The following HTRA1 variants were observed in gnomAD, a reference collection of about 807,000 sequenced individuals.
HTRA1 encodes the protein HtrA serine peptidase 1.
In HTRA1, 26 loss-of-function variants were observed where a neutral mutation model predicts 49.7. The ratio of observed to expected loss-of-function variants is 0.52; its 90% CI spans 0.38 to 0.73. The LOEUF (loss-of-function observed/expected upper bound fraction) is 0.73, where lower values mean the gene tolerates loss of function less well. Ranked by LOEUF, HTRA1 falls within the 30% of genes least tolerant of loss-of-function variation. The pLI, the probability that HTRA1 is intolerant of heterozygous loss-of-function variation, is 0.00. For synonymous variants in HTRA1, 291 were observed against 286.9 expected (o/e 1.01, Z -0.14); for missense variants, 561 against 667.2 (o/e 0.84, Z 1.75).
chr10:122,489,159 G>T (rs926387698), intron 2 of HTRA1, among the ~76,000 whole-genome samples, 158 bp downstream of exon 2: 1 of 151,988 alleles, frequency 6.6e-6, no homozygotes, highest in Non-Finnish European at 1.5e-5. Flanking sequence ...TTCCCTATTC[G>T]ACTATATAAA....
intron 3 of HTRA1, among the ~76,000 whole-genome samples, chr10:122,499,148 G>A (rs912623365): frequency 2.6e-5 from 4 of 152,136 alleles, no homozygotes; most frequent in African/African-American, 9.7e-5. Flanking sequence ...AAGCGGCAGT[G>A]TCCTTGGGGT....
rs950534015 is a variant in HTRA1, at chr10:122,490,155, T to G, written c.777+529T>G. Among the ~76,000 whole-genome samples the G allele has an allele frequency of 3.9e-5, 6 of 152,214 alleles. No homozygotes were observed. Among genetic ancestry groups the G allele is most frequent in the Non-Finnish European group, 8.8e-5 (6 of 68,044 alleles). ...CGTACTTTAAACATCTTGGAAAACTTGAATTAAAACAGAGCTAATGGATTT... is the reference window on the plus strand; with the variant it reads ...CGTACTTTAAACATCTTGGAAAACTGGAATTAAAACAGAGCTAATGGATTT... On this transcript the variant is annotated intron_variant, in intron 3 of 8. Transcript: ENST00000368984. This position sits in a 1 kb window ranked among gnomAD's most constrained non-coding sequence, Gnocchi z 4.2.
intron 1 of HTRA1, among the ~76,000 whole-genome samples, chr10:122,483,045 A>G (rs181729403): frequency 6.6e-6 from 1 of 152,152 alleles, no homozygotes; most frequent in East Asian, 1.9e-4. Flanking sequence ...ACTGCAACAA[A>G]TTTTGTTCAG....
intron 1 of HTRA1, among the ~76,000 whole-genome samples, chr10:122,476,804 C>A (rs989554826): frequency 6.6e-6 from 1 of 152,070 alleles, no homozygotes; most frequent in South Asian, 2.1e-4. Context: ...CGCTCTCCCC[C>A]GCCTCTCTGT....
Position 122,462,270 on chromosome 10 carries a change from G to C in HTRA1, c.472+146G>C. The C allele has an allele frequency of 6.7e-6, 5 of 747,518 alleles. No homozygotes were observed. The South Asian group carries it at 7.1e-5, about 11-fold the overall frequency. The allele number at this position is 747,518 out of a possible 1,614,324, so 46.3% of individuals were successfully genotyped here. ...TCGGGGACAGGCAGGTGGGCCCCGG[G>C]GTGGCGGATTTCCGCGGGCTGCCTC... On this transcript the variant is annotated intron_variant, in intron 1 of 8. Coordinates refer to ENST00000368984, the MANE Select transcript of HTRA1 (RefSeq NM_002775.5).
intron 1 of HTRA1, among the ~76,000 whole-genome samples, chr10:122,478,475 C>T (rs1416830604): frequency 8.8e-5 from 13 of 148,000 alleles, no homozygotes; most frequent in Admixed American, 8.3e-4. Context: ...TCACTGCAAG[C>T]TCCACCTCCT....
chr10:122,480,586 T>C (rs1323316765), intron 1 of HTRA1, among the ~76,000 whole-genome samples: 1 of 152,192 alleles, frequency 6.6e-6, no homozygotes, highest in East Asian at 1.9e-4. Flanking sequence ...CTGCTAGTTG[T>C]CTGGCCGAGG....
chr10:122,510,501 C>G (rs1433737893), intron 7 of HTRA1, among the ~76,000 whole-genome samples: 6 of 152,196 alleles, frequency 3.9e-5, no homozygotes, highest in Non-Finnish European at 8.8e-5. Flanking sequence ...CTGTTGAAAC[C>G]CACATTCCAG....
intron 6 of HTRA1, among the ~76,000 whole-genome samples, chr10:122,509,711 G>C (rs1368159194): frequency 3.3e-5 from 5 of 152,200 alleles, no homozygotes; most frequent in African/African-American, 1.2e-4. Flanking sequence ...GCTGGAAGTT[G>C]GGGACCGGTT....
rs1565427091 is a variant in HTRA1, at chr10:122,496,224, G to GTTTTTTTTTTTTTTTTT, written c.777+6598_777+6599insTTTTTTTTTTTTTTTTT. Reference sequence around the variant, plus strand: ...GCCCTTTCGTTTGCCAGAGATTGTGGGTTCTTTTTTTTTTTTTTTTTTTTT... The same window carrying GTTTTTTTTTTTTTTTTT: ...GCCCTTTCGTTTGCCAGAGATTGTGGTTTTTTTTTTTTTTTTTGTTCTTTTTTTTTTTTTTTTTTTTT... On this transcript the variant is annotated intron_variant, in intron 3 of 8. Transcript: ENST00000368984. Among the ~76,000 whole-genome samples the GTTTTTTTTTTTTTTTTT allele has an allele frequency of 4.7e-4, 15 of 32,106 alleles. 1 individual carries two copies. Among genetic ancestry groups the GTTTTTTTTTTTTTTTTT allele is most frequent in the East Asian group, 2.4e-3 (4 of 1,650 alleles). 21.1% of individuals were successfully genotyped at this position (32,106 alleles called of 152,430 possible). A position where few individuals can be genotyped will look rare whatever the true frequency, so the allele number is the denominator to read the frequency against.
intron 1 of HTRA1, 120 bp from the exon 2 acceptor site, chr10:122,488,782 C>T: frequency 1.2e-6 from 1 of 850,694 alleles, no homozygotes; most frequent in South Asian, 1.3e-5. Context: ...GAATTGCGCT[C>T]ACTCCGCCTT....
intron 1 of HTRA1, among the ~76,000 whole-genome samples, chr10:122,474,330 C>T (rs1420164046): frequency 2.0e-5 from 3 of 152,132 alleles, no homozygotes; most frequent in Admixed American, 6.5e-5. Flanking sequence ...TTCCTTCTGG[C>T]GTCTGTCTCT....
Position 122,514,284 on chromosome 10 carries a change from C to T in HTRA1, c.1368C>T (p.Ser456=), listed in dbSNP as rs752616273. Residue 456 remains serine (S), a synonymous_variant, in exon 9 of 9, where the codon AGC becomes AGT. Transcript: ENST00000368984. The part of the protein sequence containing the change: ...NDVSDVIKRE[S]TLNMVVRRGN... Reference sequence around the variant, plus strand: ...TCAGCGACGTCATTAAAAGGGAAAGCACCCTGAACATGGTGGTCCGCAGGG... The same window carrying T: ...TCAGCGACGTCATTAAAAGGGAAAGTACCCTGAACATGGTGGTCCGCAGGG... The T allele has an allele frequency of 6.2e-7, 1 of 1,614,098 alleles. No homozygotes were observed. The highest frequency in any genetic ancestry group is 1.1e-5 in the South Asian group (1 of 91,074).
intron 3 of HTRA1, among the ~76,000 whole-genome samples, chr10:122,497,101 C>T (rs959254785): frequency 1.3e-5 from 2 of 152,190 alleles, no homozygotes; most frequent in East Asian, 3.8e-4. Flanking sequence ...ATAAGACCTT[C>T]TGGTGAATTG....
At chr10:122,466,487 T>A (rs897138372) in intron 1 of HTRA1, among the ~76,000 whole-genome samples, 1 of 152,180 alleles carries the variant, frequency 6.6e-6, no homozygotes, top group Non-Finnish European at 1.5e-5. Flanking sequence ...TTTATTTAGG[T>A]GACTCTTTCG....
At chr10:122,462,199 G>A in intron 1 of HTRA1, 75 bp downstream of exon 1, 1 of 1,263,416 alleles carries the variant, frequency 7.9e-7, no homozygotes, top group Non-Finnish European at 1.1e-6. Flanking sequence ...GGACTGGTGG[G>A]CAGGTTGAGG....
At chr10:122,485,024 A>G (rs2097492521) in intron 1 of HTRA1, among the ~76,000 whole-genome samples, 1 of 152,236 alleles carries the variant, frequency 6.6e-6, no homozygotes, top group Non-Finnish European at 1.5e-5. Flanking sequence ...GTGTCTGTAG[A>G]CCATCAGGCA....
rs745991578 is a variant in HTRA1 at position 122,494,418 on chromosome 10, T to G, written c.777+4792T>G. 1.4e-4 allele frequency among the ~76,000 whole-genome samples: 22 copies of G among 152,182 alleles called. No individual in the cohort carries two copies. The highest frequency in any genetic ancestry group is 2.8e-4 in the Non-Finnish European group (19 of 68,028). ...ATGAGGAAATGACCCTGCAGAAGGCTGGCTGCAGATGCCCCTGCCTCCCGG... is the reference window on the plus strand; with the variant it reads ...ATGAGGAAATGACCCTGCAGAAGGCGGGCTGCAGATGCCCCTGCCTCCCGG... On this transcript the variant is annotated intron_variant, in intron 3 of 8. Transcript: ENST00000368984. The surrounding 1 kb of genome is among the most constrained non-coding windows in gnomAD (Gnocchi z 4.0).
intron 1 of HTRA1, among the ~76,000 whole-genome samples, chr10:122,477,252 C>T (rs1421884370): frequency 1.3e-5 from 2 of 152,154 alleles, no homozygotes; most frequent in South Asian, 2.1e-4. Flanking sequence ...CAGGTGTGAG[C>T]CACCATGCCC....
Sources: gnomAD v4.1 joint callset for allele counts (sites outside exome capture counted in the v4.1 genomes callset) on GRCh38, gnomAD v4.1.1 for gene constraint, Gnocchi (gnomAD v3.1) non-coding constraint, MANE v1.5 for transcripts, NCBI Gene and HGNC (gene_info 2026-07-23, HGNC 2026-07-21) for gene names.